Variants in TAFA4 observed in about 807,000 individuals in gnomAD.
TAFA4 encodes the protein TAFA chemokine like family member 4, also known as chemokine-like protein TAFA-4.
TAFA4 carries 20 observed loss-of-function variants against 21.1 expected under a neutral mutation model. The ratio of observed to expected loss-of-function variants is 0.95; its 90% confidence interval spans 0.67 to 1.38. The LOEUF (loss-of-function observed/expected upper bound fraction) is 1.38. Ranked by LOEUF, TAFA4 falls within the 40% of genes most tolerant of loss-of-function variation. TAFA4 has a pLI of 0.00. For missense variants in TAFA4, 211 were observed against 180.9 expected, an observed-to-expected ratio of 1.17 and a Z score of -0.95; for synonymous variants, 71 against 67.4, an observed-to-expected ratio of 1.05 and a Z score of -0.26.
intron 3 of TAFA4, among the ~76,000 whole-genome samples, chr3:68,772,072 C>T (rs558359544): frequency 6.6e-6 from 1 of 152,138 alleles, no homozygotes; most frequent in Admixed American, 6.5e-5. Context: ...CTAAGGCCTA[C>T]ACCTCATTTT....
rs59090610 is a variant in TAFA4, at chr3:68,819,274, TAAAAAA to T, written c.130+61450_130+61455del. Among the ~76,000 whole-genome samples the T allele has an allele frequency of 6.0e-3, 659 of 109,338 alleles. 6 individuals are homozygous for T. The highest frequency in any genetic ancestry group is 0.022 in the Middle Eastern group (4 of 184). 71.7% of individuals were successfully genotyped at this position (109,338 alleles called of 152,430 possible). ...GACAGAGTGAGACCCTGTCTTTAAT[TAAAAAA>T]AAAAAAAAAAAAAAAAAAAGCATCT... On this transcript the variant is annotated intron_variant, in intron 3 of 5. Coordinates refer to ENST00000295569, the MANE Select transcript of TAFA4 (RefSeq NM_182522.5).
At chr3:68,743,593 A>AAGTT (rs1553714562) in intron 4 of TAFA4, among the ~76,000 whole-genome samples, 25 of 151,114 alleles carry the variant, frequency 1.7e-4, no homozygotes, top group African/African-American at 5.9e-4. Flanking sequence ...AAAAAAAGAA[A>AAGTT]AAGTTAAGTT....
At chr3:68,890,550 C>G (rs937654813) in intron 1 of TAFA4, among the ~76,000 whole-genome samples, 14 of 152,154 alleles carry the variant, frequency 9.2e-5, no homozygotes, top group Admixed American at 5.2e-4. Flanking sequence ...GAACCATGCA[C>G]TTGTTAGTCA....
chr3:68,777,966 C>G (rs1169239410), intron 3 of TAFA4, among the ~76,000 whole-genome samples: 1 of 152,012 alleles, frequency 6.6e-6, no homozygotes, highest in Admixed American at 6.6e-5. Flanking sequence ...TGCACAATGA[C>G]AACATTACCT....
At chr3:68,820,285 T>G (rs377753749) in intron 3 of TAFA4, among the ~76,000 whole-genome samples, 1 of 152,172 alleles carries the variant, frequency 6.6e-6, no homozygotes, top group Non-Finnish European at 1.5e-5. Context: ...GGCTGAGAGA[T>G]AAGATATTTG....
At chr3:68,803,079 A>ACC (rs1187644250) in intron 3 of TAFA4, among the ~76,000 whole-genome samples, 2 of 152,138 alleles carry the variant, frequency 1.3e-5, no homozygotes, top group African/African-American at 4.8e-5. Context: ...AATGATCTCT[A>ACC]CTGAAAATGT....
At chr3:68,801,968 C>G (rs1703588282) in intron 3 of TAFA4, among the ~76,000 whole-genome samples, 1 of 152,014 alleles carries the variant, frequency 6.6e-6, no homozygotes. Flanking sequence ...ATCCAGCAAT[C>G]TACAGTGTGG....
intron 3 of TAFA4, among the ~76,000 whole-genome samples, chr3:68,755,789 T>TG (rs1254846408): frequency 3.3e-5 from 5 of 152,166 alleles, no homozygotes; most frequent in Admixed American, 2.6e-4. Flanking sequence ...ACAGACTCCT[T>TG]GTGCAGGCCC....
intron 1 of TAFA4, among the ~76,000 whole-genome samples, chr3:68,891,852 T>A: frequency 6.6e-6 from 1 of 152,342 alleles, no homozygotes; most frequent in African/African-American, 2.4e-5. Flanking sequence ...AATGAGGTAA[T>A]ATGTTTCCAT....
intron 3 of TAFA4, among the ~76,000 whole-genome samples, chr3:68,843,978 C>T (rs553853189): frequency 6.6e-6 from 1 of 152,256 alleles, no homozygotes; most frequent in South Asian, 2.1e-4. Flanking sequence ...CTGAAATTTT[C>T]TTTTTTTGTT....
chr3:68,771,445 C>T (rs1387273984), intron 3 of TAFA4, among the ~76,000 whole-genome samples: 3 of 152,234 alleles, frequency 2.0e-5, no homozygotes, highest in African/African-American at 7.2e-5. Context: ...CATCTGCATG[C>T]TCCCCTTTGG....
intron 3 of TAFA4, among the ~76,000 whole-genome samples, chr3:68,840,187 T>G (rs145082957): frequency 4.6e-5 from 7 of 152,112 alleles, no homozygotes; most frequent in Non-Finnish European, 1.0e-4. Flanking sequence ...GTTGGCACTT[T>G]TGGTTGGTTG....
chr3:68,872,654 C>T (rs1158043035), intron 3 of TAFA4, among the ~76,000 whole-genome samples: 2 of 152,140 alleles, frequency 1.3e-5, no homozygotes, highest in Non-Finnish European at 2.9e-5. Context: ...ATCAAAATAT[C>T]ACATGTACCC....
chr3:68,803,953 A>T (rs1703630594), intron 3 of TAFA4, among the ~76,000 whole-genome samples: 3 of 151,612 alleles, frequency 2.0e-5, no homozygotes. Flanking sequence ...ACACCTGGCT[A>T]ATTTTTGTAT....
At position 68,885,266 on chromosome 3, in the gene TAFA4, C is replaced by A. The variant is rs1260281674; in HGVS notation, c.-78G>T. The A allele has an allele frequency of 1.4e-6, 2 of 1,436,712 alleles. No individual in the cohort carries two copies. Among genetic ancestry groups the A allele is most frequent in the Non-Finnish European group, 1.9e-6 (2 of 1,038,406 alleles). The allele number at this position is 1,436,712 out of a possible 1,614,324, so 89.0% of individuals were successfully genotyped here. A position where few individuals can be genotyped will look rare whatever the true frequency, so the allele number is the denominator to read the frequency against. On this transcript the variant is annotated 5_prime_UTR_variant, in exon 2 of 6. Coordinates refer to ENST00000295569, the MANE Select transcript of TAFA4 (RefSeq NM_182522.5). Reference sequence around the variant, plus strand: ...TCCAAATTCCCATCTGTTGCTAGAACCAATCATTTCTGCCGTTCCAAAAAA... The same window carrying A: ...TCCAAATTCCCATCTGTTGCTAGAAACAATCATTTCTGCCGTTCCAAAAAA...
intron 1 of TAFA4, among the ~76,000 whole-genome samples, chr3:68,931,529 C>G (rs961824034): frequency 6.6e-6 from 1 of 152,172 alleles, no homozygotes; most frequent in African/African-American, 2.4e-5. Context: ...TGCGTAGGGT[C>G]AAGGATGCCC....
intron 3 of TAFA4, among the ~76,000 whole-genome samples, chr3:68,851,640 A>C (rs1704953121): frequency 6.6e-6 from 1 of 152,204 alleles, no homozygotes; most frequent in African/African-American, 2.4e-5. Flanking sequence ...TTACCATCTC[A>C]AATCTATCAA....
chr3:68,858,099 G>T (rs184811182), intron 3 of TAFA4, among the ~76,000 whole-genome samples: 4 of 152,018 alleles, frequency 2.6e-5, no homozygotes, highest in African/African-American at 9.7e-5. Context: ...TGGCAGTGTC[G>T]CCATCTTTCC....
At chr3:68,818,096 A>C (rs1382630543) in intron 3 of TAFA4, among the ~76,000 whole-genome samples, 2 of 152,176 alleles carry the variant, frequency 1.3e-5, no homozygotes, top group East Asian at 3.9e-4. Flanking sequence ...CACTTTCATC[A>C]ATGATCTTAG....
Sources: allele counts gnomAD v4.1 joint callset (sites outside exome capture counted in the v4.1 genomes callset), GRCh38; gene constraint gnomAD v4.1.1; transcripts MANE v1.5; gene names NCBI Gene and HGNC (gene_info 2026-07-23, HGNC 2026-07-21).